The following CA8 variants were observed in gnomAD, a reference collection of about 807,000 sequenced individuals.
CA8 encodes the protein carbonic anhydrase 8 (inactive).
A neutral mutation model predicts 41.4 loss-of-function variants in CA8; 22 were observed. The ratio of observed to expected loss-of-function variants is 0.53; its 90% CI spans 0.38 to 0.76. The LOEUF is 0.76. Ranked by LOEUF, CA8 falls within the 30% of genes least tolerant of loss-of-function variation. The pLI is 0.00. For synonymous variants in CA8, 121 were observed against 130.6 expected (o/e 0.93, Z 0.50); for missense variants, 270 against 352.8 (o/e 0.77, Z 1.88).
chr8:60,215,037 T>A (rs1254058112), intron 7 of CA8, among the ~76,000 whole-genome samples: 1 of 152,170 alleles, frequency 6.6e-6, no homozygotes, highest in African/African-American at 2.4e-5. Flanking sequence ...AAAACTTAAT[T>A]ATCAACCCAT....
intron 7 of CA8, among the ~76,000 whole-genome samples, chr8:60,219,005 C>T (rs62511580): frequency 0.062 from 9,456 of 151,678 alleles, 443 homozygotes; most frequent in East Asian, 0.18. Context: ...GTGCATTGCA[C>T]GGGGTCCTAC....
intron 7 of CA8, among the ~76,000 whole-genome samples, chr8:60,222,215 T>C (rs1268020908): frequency 6.6e-6 from 1 of 152,196 alleles, no homozygotes; most frequent in African/African-American, 2.4e-5. Flanking sequence ...CAGAATTTTC[T>C]AGGGCACTCC....
Position 60,269,053 on chromosome 8 carries a change from C to T in CA8, c.293-3004G>A, listed in dbSNP as rs943853298. Among the ~76,000 whole-genome samples the T allele has an allele frequency of 1.3e-4, 20 of 152,214 alleles. No individual in the cohort carries two copies. The East Asian group carries it at 1.4e-3, about 10-fold the overall frequency. ...AATAAACCACACTAAAGTCATATAG[C>T]CATACAATGCCATAAAAAATGACAA... is the stretch of plus-strand genomic sequence containing the variant. On this transcript the variant is annotated intron_variant, in intron 2 of 8. Transcript: ENST00000317995.
At chr8:60,254,500 G>A (rs1379472810) in intron 3 of CA8, among the ~76,000 whole-genome samples, 3 of 152,198 alleles carry the variant, frequency 2.0e-5, no homozygotes, top group Non-Finnish European at 4.4e-5. Flanking sequence ...GTCAGCGCTG[G>A]TAAGTTAATT....
intron 3 of CA8, among the ~76,000 whole-genome samples, chr8:60,250,594 T>C (rs1294482940): frequency 6.6e-6 from 1 of 152,234 alleles, no homozygotes; most frequent in African/African-American, 2.4e-5. Flanking sequence ...TTTTTAGCCA[T>C]GATTTCCTAA....
chr8:60,224,490 T>TA, intron 6 of CA8, 47 bp downstream of exon 6: 1 of 1,073,484 alleles, frequency 9.3e-7, no homozygotes, highest in Non-Finnish European at 1.4e-6. Context: ...ACAATGTGAC[T>TA]ATAGCCACAG....
At chr8:60,251,681 G>T (rs970807128) in intron 3 of CA8, among the ~76,000 whole-genome samples, 1 of 152,208 alleles carries the variant, frequency 6.6e-6, no homozygotes, top group Non-Finnish European at 1.5e-5. Flanking sequence ...CCCCAAATAA[G>T]AAGGTTAGAA....
At chr8:60,226,506 G>A (rs915136236) in intron 5 of CA8, among the ~76,000 whole-genome samples, 7 of 152,148 alleles carry the variant, frequency 4.6e-5, no homozygotes, top group South Asian at 4.1e-4. Context: ...TGTTGCATGC[G>A]TTTAGTGCTT....
chr8:60,243,179 C>T (rs1174894346), intron 3 of CA8, among the ~76,000 whole-genome samples: 2 of 152,160 alleles, frequency 1.3e-5, no homozygotes, highest in African/African-American at 4.8e-5. Context: ...ATACACATCA[C>T]TAATATTCTA....
intron 3 of CA8, among the ~76,000 whole-genome samples, chr8:60,234,485 G>A (rs954188372): frequency 1.3e-5 from 2 of 152,106 alleles, no homozygotes; most frequent in African/African-American, 4.8e-5. Flanking sequence ...AGAAGAAACT[G>A]GGTTTGGGGT....
At chr8:60,199,396 G>A (rs559012118) in intron 8 of CA8, among the ~76,000 whole-genome samples, 2 of 152,132 alleles carry the variant, frequency 1.3e-5, no homozygotes, top group African/African-American at 4.8e-5. Flanking sequence ...ATTCCACTCC[G>A]TGCTCCTAAG....
chr8:60,211,577 A>G (rs1585856915), intron 7 of CA8, among the ~76,000 whole-genome samples: 1 of 152,150 alleles, frequency 6.6e-6, no homozygotes. Context: ...CTGGAGATAA[A>G]CCTTTCAAGC....
chr8:60,203,147 C>T (rs1236730302), intron 8 of CA8, among the ~76,000 whole-genome samples: 1 of 152,082 alleles, frequency 6.6e-6, no homozygotes, highest in African/African-American at 2.4e-5. Flanking sequence ...CAAATATCAA[C>T]AGCATTTAAA....
chr8:60,227,128 A>G (rs1327677557), intron 4 of CA8, among the ~76,000 whole-genome samples, 193 bp from the exon 5 acceptor site: 2 of 152,160 alleles, frequency 1.3e-5, no homozygotes, highest in African/African-American at 4.8e-5. Context: ...TGTCTCTACT[A>G]AAAATGCAAA....
intron 3 of CA8, among the ~76,000 whole-genome samples, chr8:60,248,472 C>T (rs1585902747): frequency 6.6e-6 from 1 of 152,144 alleles, no homozygotes; most frequent in African/African-American, 2.4e-5. Flanking sequence ...CTGCACATGG[C>T]TAGCCACTTT....
chr8:60,229,638 C>T (rs1490129797), intron 4 of CA8, among the ~76,000 whole-genome samples: 1 of 152,190 alleles, frequency 6.6e-6, no homozygotes, highest in Non-Finnish European at 1.5e-5. Flanking sequence ...ACCCTGAGGA[C>T]ACTGCTGGTA....
intron 4 of CA8, among the ~76,000 whole-genome samples, chr8:60,231,130 A>G (rs1329986504): frequency 6.6e-6 from 1 of 152,190 alleles, no homozygotes; most frequent in Non-Finnish European, 1.5e-5. Flanking sequence ...TATACTAAAA[A>G]TTATCAAAAT....
At chr8:60,252,134 G>A (rs1242893424) in intron 3 of CA8, among the ~76,000 whole-genome samples, 1 of 152,034 alleles carries the variant, frequency 6.6e-6, no homozygotes, top group Non-Finnish European at 1.5e-5. Context: ...AAAGTTATAA[G>A]AGCCCCCAGG....
At chr8:60,257,297 C>T (rs949969212) in intron 3 of CA8, among the ~76,000 whole-genome samples, 1 of 152,070 alleles carries the variant, frequency 6.6e-6, no homozygotes, top group Non-Finnish European at 1.5e-5. Flanking sequence ...TTTTTGCATC[C>T]CCCTCAGGAT....
Sources: gnomAD v4.1 joint callset for allele counts (sites outside exome capture counted in the v4.1 genomes callset) on GRCh38, gnomAD v4.1.1 for gene constraint, MANE v1.5 for transcripts, NCBI Gene and HGNC (gene_info 2026-07-23, HGNC 2026-07-21) for gene names.